DNAH8: variants seen among roughly 807,000 people sequenced by gnomAD.
DNAH8 encodes the protein dynein axonemal heavy chain 8.
A neutral mutation model predicts 562.1 loss-of-function variants in DNAH8; 382 were observed. That is an observed-to-expected ratio of 0.68 (90% confidence interval 0.63 to 0.74). DNAH8 has a LOEUF of 0.74. DNAH8 is among the 30% of genes least tolerant of loss of function. The pLI, the probability that DNAH8 is intolerant of heterozygous loss-of-function variation, is 0.00. For synonymous variants in DNAH8, 1,881 were observed against 1,919.4 expected, an observed-to-expected ratio of 0.98 and a Z score of 0.52; for missense variants, 5,203 against 5,620.4, an observed-to-expected ratio of 0.93 and a Z score of 2.37.
Position 38,745,994 on chromosome 6 carries a change from C to T in DNAH8, c.1293+4107C>T, listed in dbSNP as rs183483417. On this transcript the variant is annotated intron_variant, in intron 8 of 92. Transcript: ENST00000327475. The stretch of plus-strand genomic sequence containing the variant: ...CCAGGTCTCTGTACTGTACACGTAT[C>T]GTATTTTGTGGAAAATAACCTTAAA... Among the ~76,000 whole-genome samples the T allele has an allele frequency of 5.9e-5, 9 of 152,284 alleles. No individual in the cohort carries two copies. The East Asian group carries it at 1.3e-3, about 23-fold the overall frequency.
rs546652224 is a variant in DNAH8, at chr6:38,781,345, G to A, written c.2231G>A (p.Arg744Gln). The change falls in exon 16 of 93, where the codon CGG (arginine) becomes CAG (glutamine). Residue 744 changes from arginine (R) to glutamine (Q), a missense_variant. By Grantham distance (43) the Arg-to-Gln change is conservative. This residue lies in a region of DNAH8 where 2,176 missense variants were observed against 2,365.1 expected (regional missense o/e 0.92). Transcript: ENST00000327475. ...KILWVRQLYR[R>Q]ISEPINYFFK... ...CTCTGGGTGAGGCAGCTCTATCGCC[G>A]GATAAGTGAGCCCATCAATTATTTC... is the stretch of plus-strand genomic sequence containing the variant. The A allele has an allele frequency of 5.2e-5, 84 of 1,613,324 alleles. No homozygotes were observed. Among genetic ancestry groups the A allele is most frequent in the East Asian group, 6.7e-5 (3 of 44,818 alleles).
chr6:38,793,443 G>GTAA (rs1160234627), intron 21 of DNAH8, among the ~76,000 whole-genome samples: 3 of 152,132 alleles, frequency 2.0e-5, no homozygotes, highest in Non-Finnish European at 4.4e-5. Context: ...TGATATTGAT[G>GTAA]TAATTATACC....
intron 91 of DNAH8, among the ~76,000 whole-genome samples, chr6:39,019,335 T>C (rs1003423633): frequency 3.9e-5 from 6 of 152,144 alleles, no homozygotes; most frequent in African/African-American, 1.4e-4. Flanking sequence ...TGGCAAGAAG[T>C]TAAGGGCATT....
chr6:38,938,762 G>A (rs978290431), intron 78 of DNAH8, 36 bp from the exon 79 acceptor site: 1 of 1,482,902 alleles, frequency 6.7e-7, no homozygotes, highest in Non-Finnish European at 9.2e-7. Flanking sequence ...AAAAGAAATT[G>A]CCCTTTGCTT....
intron 79 of DNAH8, among the ~76,000 whole-genome samples, 196 bp from the exon 80 acceptor site, chr6:38,945,271 T>C (rs181179551): frequency 1.1e-4 from 16 of 152,320 alleles, no homozygotes; most frequent in African/African-American, 3.8e-4. Flanking sequence ...TATAAGATGG[T>C]ATAAATCAGT....
At chr6:38,729,819 T>C in intron 3 of DNAH8, 83 bp from the exon 4 acceptor site, 2 of 744,038 alleles carry the variant, frequency 2.7e-6, no homozygotes, top group South Asian at 3.5e-5. Flanking sequence ...GAATAAACTC[T>C]TTGAGCTTCA....
Position 38,770,458 on chromosome 6 carries a change from A to G in DNAH8, c.1663A>G (p.Thr555Ala). 1 of 1,606,450 alleles carries G rather than the reference A, an allele frequency of 6.2e-7. No individual in the cohort carries two copies. The highest frequency in any genetic ancestry group is 1.1e-5 in the South Asian group (1 of 89,984). The change falls in exon 12 of 93, where the codon ACA becomes GCA. Residue 555 changes from threonine to alanine, a missense_variant. By Grantham distance (58) the Thr-to-Ala change is moderately conservative. Around this residue, in one of 6 missense-constraint regions of DNAH8, gnomAD observed 2,176 missense variants for 2,365.1 expected, o/e 0.92. Transcript: ENST00000327475. ...GGAATATCAGGCATCTTTTCATAAA[A>G]CAAGGAAACTGATTTCAGAATCCTC... ...FKEYQASFHK[T>A]RKLISESSGE... is the part of the protein sequence containing the mutation.
intron 1 of DNAH8, among the ~76,000 whole-genome samples, chr6:38,715,958 A>ATTTTTTTTTTTTTTTT (rs1454056787): frequency 6.4e-5 from 2 of 31,054 alleles, no homozygotes; most frequent in African/African-American, 4.5e-4. Flanking sequence ...ATATATATAT[A>ATTTTTTTTTTTTTTTT]TATTTTTTTT....
chr6:38,737,575 T>C (rs967278101), intron 6 of DNAH8, among the ~76,000 whole-genome samples: 1 of 151,402 alleles, frequency 6.6e-6, no homozygotes, highest in Non-Finnish European at 1.5e-5. Flanking sequence ...TGTTAAAATG[T>C]ACAATTTTAT....
chr6:38,722,755 G>T, intron 1 of DNAH8, 21 bp from the exon 2 acceptor site: 1 of 1,497,296 alleles, frequency 6.7e-7, no homozygotes, highest in Non-Finnish European at 8.9e-7. Context: ...AGTTTTAAAC[G>T]AACCTATGTT....
chr6:38,894,925 A>T (rs1039978145), intron 59 of DNAH8, 61 bp downstream of exon 59: 1 of 1,454,796 alleles, frequency 6.9e-7, no homozygotes, highest in Non-Finnish European at 9.2e-7. Flanking sequence ...TACTTGGTTA[A>T]TTTTTTTTAT....
intron 88 of DNAH8, among the ~76,000 whole-genome samples, chr6:38,993,653 C>T (rs911117706): frequency 1.3e-5 from 2 of 150,532 alleles, no homozygotes; most frequent in African/African-American, 4.9e-5. Flanking sequence ...ATTACCCTTT[C>T]TTATACAAAG....
intron 24 of DNAH8, among the ~76,000 whole-genome samples, chr6:38,808,049 A>G (rs1771454953): frequency 6.6e-6 from 1 of 152,178 alleles, no homozygotes; most frequent in Admixed American, 6.5e-5. Context: ...TCCACGTATC[A>G]TTTAATTTTG....
chr6:38,861,496 T>G (rs1776615231), intron 43 of DNAH8, among the ~76,000 whole-genome samples: 1 of 152,248 alleles, frequency 6.6e-6, no homozygotes, highest in African/African-American at 2.4e-5. Flanking sequence ...TATTTCATAG[T>G]GAAACTATTT....
chr6:38,984,185 C>A (rs941611635), intron 86 of DNAH8, 21 bp from the exon 87 acceptor site: 5 of 1,393,692 alleles, frequency 3.6e-6, no homozygotes, highest in South Asian at 2.4e-5. Flanking sequence ...AATTAATAAT[C>A]CTTTTTTACT....
At chr6:38,923,927 C>T in intron 72 of DNAH8, 64 bp from the exon 73 acceptor site, 3 of 1,547,276 alleles carry the variant, frequency 1.9e-6, no homozygotes, top group South Asian at 1.1e-5. Context: ...AAAACTGTGA[C>T]CTCTCAAACA....
chr6:38,799,751 A>C (rs960033706), intron 21 of DNAH8, among the ~76,000 whole-genome samples: 2 of 152,014 alleles, frequency 1.3e-5, no homozygotes, highest in African/African-American at 4.8e-5. Flanking sequence ...CTCATTAGTC[A>C]TTCTCCATTT....
At chr6:38,898,805 G>A (rs1055499062) in intron 61 of DNAH8, among the ~76,000 whole-genome samples, 1 of 152,144 alleles carries the variant, frequency 6.6e-6, no homozygotes, top group Admixed American at 6.5e-5. Context: ...TGGGACAGGG[G>A]TAAGGTTGAT....
At position 38,722,968 on chromosome 6, in the gene DNAH8, T is replaced by A. The variant is rs1762892518; in HGVS notation, c.159T>A (p.Asp53Glu). 1.9e-6 allele frequency: 3 copies of A among 1,612,866 alleles called. No homozygotes were observed. Among genetic ancestry groups the A allele is most frequent in the Non-Finnish European group, 1.7e-6 (2 of 1,179,880 alleles). Reference protein sequence around the residue: ...AEDGFSPSAEDAVSSVVDYRD... With the variant: ...AEDGFSPSAEEAVSSVVDYRD... ...ATGGTTTCTCTCCTTCCGCAGAAGA[T>A]GCTGTTTCTTCTGTGGTGGATTATC... The change falls in exon 2 of 93, where the codon GAT (aspartate) becomes GAA (glutamate). Residue 53 changes from aspartate to glutamate, a missense_variant. Around this residue, in one of 6 missense-constraint regions of DNAH8, gnomAD observed 556 missense variants for 496.9 expected, o/e 1.12. Transcript: ENST00000327475.
Sources: gnomAD v4.1 joint callset for allele counts (sites outside exome capture counted in the v4.1 genomes callset) on GRCh38, gnomAD v4.1.1 for gene constraint, gnomAD v4.1.1 regional missense constraint, MANE v1.5 for transcripts, NCBI Gene and HGNC (gene_info 2026-07-23, HGNC 2026-07-21) for gene names.